Variants in CORO2B observed in about 807,000 individuals in gnomAD.
The protein encoded by CORO2B is coronin-2B.
In CORO2B, 26 loss-of-function variants were observed where a neutral mutation model predicts 58.8. The observed-to-expected ratio is 0.44, with a 90% confidence interval of 0.32 to 0.61. The LOEUF is 0.61. Ranked by LOEUF, CORO2B falls within the 20% of genes least tolerant of loss-of-function variation. The pLI is 0.04. For synonymous variants in CORO2B, 242 were observed against 253.8 expected, an observed-to-expected ratio of 0.95 and a Z score of 0.44; for missense variants, 460 against 645.1, an observed-to-expected ratio of 0.71 and a Z score of 3.11.
intron 3 of CORO2B, among the ~76,000 whole-genome samples, chr15:68,705,438 A>T (rs1193256699): frequency 1.4e-5 from 2 of 140,312 alleles, no homozygotes; most frequent in African/African-American, 6.0e-5. Flanking sequence ...CTCTATCTCA[A>T]AAAAAAAAAA....
intron 1 of CORO2B, among the ~76,000 whole-genome samples, chr15:68,641,205 G>C (rs1377888753): frequency 6.6e-6 from 1 of 152,202 alleles, no homozygotes; most frequent in African/African-American, 2.4e-5. Context: ...GGCCTGCCCA[G>C]GCCCATCCCC....
At chr15:68,597,101 G>T (rs1248570380) in intron 1 of CORO2B, among the ~76,000 whole-genome samples, 9 of 151,590 alleles carry the variant, frequency 5.9e-5, no homozygotes, top group African/African-American at 1.9e-4. Context: ...TTCCTGCAGG[G>T]AATTGGTGGC....
intron 1 of CORO2B, among the ~76,000 whole-genome samples, chr15:68,584,574 G>A (rs990016893): frequency 6.6e-6 from 1 of 152,182 alleles, no homozygotes; most frequent in Non-Finnish European, 1.5e-5. Flanking sequence ...CACAGCCTCC[G>A]CCAGGGCCAG....
rs1222685517 is a variant in CORO2B at position 68,727,797 on chromosome 15, A to G, written c.*1823A>G. 1 of 152,394 alleles carries G rather than the reference A, an allele frequency of 6.6e-6. No individual in the cohort carries two copies. Among genetic ancestry groups the G allele is most frequent in the Admixed American group, 6.5e-5 (1 of 15,268 alleles). The allele number at this position is 152,394 out of a possible 1,614,324, so 9.4% of individuals were successfully genotyped here. On this transcript the variant is annotated 3_prime_UTR_variant, in exon 12 of 12. Coordinates refer to ENST00000261861, the MANE Select transcript of CORO2B (RefSeq NM_006091.5). ...ATAGAATTGAAATAAAATGTTTTCA[A>G]CTTATCAAACCTGGGCATAGCCATC...
At chr15:68,599,061 A>G (rs1350544799) in intron 1 of CORO2B, among the ~76,000 whole-genome samples, 1 of 151,892 alleles carries the variant, frequency 6.6e-6, no homozygotes, top group African/African-American at 2.4e-5. Flanking sequence ...CAAAGCCTTC[A>G]CTCTCTGGCC....
intron 2 of CORO2B, among the ~76,000 whole-genome samples, chr15:68,652,131 C>T (rs1167122827): frequency 6.6e-6 from 1 of 152,198 alleles, no homozygotes; most frequent in Non-Finnish European, 1.5e-5. Flanking sequence ...ATTCTTTCCA[C>T]CACCCATGAT....
intron 3 of CORO2B, among the ~76,000 whole-genome samples, chr15:68,699,289 T>C (rs1208499868): frequency 6.6e-6 from 1 of 152,054 alleles, no homozygotes; most frequent in Non-Finnish European, 1.5e-5. Flanking sequence ...TCTCAAGCCA[T>C]CTGAGCATCA....
chr15:68,602,667 G>A (rs1179999224), intron 1 of CORO2B, among the ~76,000 whole-genome samples: 13 of 152,056 alleles, frequency 8.5e-5, no homozygotes, highest in Non-Finnish European at 1.2e-4. Flanking sequence ...TTTCCCTTCC[G>A]TTTATTGCCC....
At chr15:68,579,509 C>T (rs1216947870) in intron 1 of CORO2B, among the ~76,000 whole-genome samples, 1 of 152,208 alleles carries the variant, frequency 6.6e-6, no homozygotes, top group African/African-American at 2.4e-5. Flanking sequence ...CAACATCCCT[C>T]CGCGCCCGGC....
chr15:68,713,255 AT>A (rs1892960663), intron 5 of CORO2B, among the ~76,000 whole-genome samples: 3 of 152,082 alleles, frequency 2.0e-5, no homozygotes, highest in Non-Finnish European at 4.4e-5. Context: ...ATTTCTTCCG[AT>A]AGATATTGTT....
chr15:68,529,335 AGT>A, the CORO2B span, among the ~76,000 whole-genome samples: 30 of 152,316 alleles, frequency 2.0e-4, no homozygotes, highest in African/African-American at 6.7e-4. Flanking sequence ...GTTCTTTTCA[AGT>A]CATATCAGTC....
At chr15:68,523,862 C>A in the CORO2B span, among the ~76,000 whole-genome samples, 1 of 152,040 alleles carries the variant, frequency 6.6e-6, no homozygotes, top group Non-Finnish European at 1.5e-5. Context: ...TTTTTTTCTC[C>A]AAAATCTTGG....
chr15:68,678,632 C>A (rs1359503488), intron 2 of CORO2B, among the ~76,000 whole-genome samples: 1 of 152,142 alleles, frequency 6.6e-6, no homozygotes, highest in Non-Finnish European at 1.5e-5. Context: ...TGAGATTGTG[C>A]CACTGTACTC....
chr15:68,564,034 C>T, the CORO2B span, among the ~76,000 whole-genome samples: 7 of 152,266 alleles, frequency 4.6e-5, no homozygotes, highest in South Asian at 8.3e-4. Flanking sequence ...TACCCTGATA[C>T]GAAATCCAAA....
chr15:68,519,039 G>A, the CORO2B span, among the ~76,000 whole-genome samples: 22 of 152,298 alleles, frequency 1.4e-4, no homozygotes, highest in Non-Finnish European at 2.2e-4. Flanking sequence ...GCCCAGGACT[G>A]CCTCACACTC....
At chr15:68,602,215 A>G (rs1900001939) in intron 1 of CORO2B, among the ~76,000 whole-genome samples, 1 of 151,968 alleles carries the variant, frequency 6.6e-6, no homozygotes, top group Non-Finnish European at 1.5e-5. Context: ...GAGTGGGGGG[A>G]ACTGCTGACT....
intron 2 of CORO2B, among the ~76,000 whole-genome samples, chr15:68,661,948 A>G (rs1158730561): frequency 1.3e-5 from 2 of 152,210 alleles, no homozygotes; most frequent in Non-Finnish European, 2.9e-5. Context: ...TGGAGGTTTC[A>G]GTGAGCTGAG....
At chr15:68,704,664 T>G (rs1479764457) in intron 3 of CORO2B, among the ~76,000 whole-genome samples, 1 of 152,138 alleles carries the variant, frequency 6.6e-6, no homozygotes, top group Non-Finnish European at 1.5e-5. Context: ...CCAACAAGAC[T>G]GACAGCTACT....
At chr15:68,642,106 G>A (rs990828850) in intron 1 of CORO2B, among the ~76,000 whole-genome samples, 13 of 140,056 alleles carry the variant, frequency 9.3e-5, no homozygotes, top group African/African-American at 2.7e-4. Flanking sequence ...GCGCGATCTC[G>A]GCTCACTGCA....
Sources: gnomAD v4.1 joint callset for allele counts (sites outside exome capture counted in the v4.1 genomes callset) on GRCh38, gnomAD v4.1.1 for gene constraint, MANE v1.5 for transcripts, NCBI Gene and HGNC (gene_info 2026-07-23, HGNC 2026-07-21) for gene names.